Variants in SPTB observed in about 807,000 individuals in gnomAD.
SPTB encodes the protein spectrin beta, erythrocytic, also known as spectrin beta chain, erythrocytic.
In SPTB, 45 loss-of-function variants were observed where a neutral mutation model predicts 256.2. That is an observed-to-expected ratio of 0.18 (90% confidence interval 0.14 to 0.23). SPTB has a LOEUF of 0.23. Ranked by LOEUF, SPTB falls within the 10% of genes least tolerant of loss-of-function variation. The pLI is 1.00. For missense variants in SPTB, 2,715 were observed against 3,040.4 expected, an observed-to-expected ratio of 0.89 and a Z score of 2.52; for synonymous variants, 1,231 against 1,243.1, an observed-to-expected ratio of 0.99 and a Z score of 0.21.
intron 1 of SPTB, among the ~76,000 whole-genome samples, chr14:64,848,582 T>C (rs2083730635): frequency 6.6e-6 from 1 of 152,258 alleles, no homozygotes. Flanking sequence ...AAGTTAATTA[T>C]TGTGCATATT....
intron 27 of SPTB, among the ~76,000 whole-genome samples, chr14:64,770,564 G>A (rs2082264784): frequency 6.6e-6 from 1 of 152,184 alleles, no homozygotes; most frequent in Non-Finnish European, 1.5e-5. Flanking sequence ...TCTTAGACCT[G>A]CCCAGCTTTG....
chr14:64,780,180 C>A (rs1231390314), intron 20 of SPTB, among the ~76,000 whole-genome samples: 7 of 152,148 alleles, frequency 4.6e-5, no homozygotes, highest in Admixed American at 3.9e-4. Context: ...AACCAGGAGA[C>A]ATTTTTGCAT....
chr14:64,772,473 C>T lies in SPTB; in HGVS notation c.5553+107G>A, dbSNP rs1037283593. 3 of 1,487,060 alleles carry T rather than the reference C, an allele frequency of 2.0e-6. No individual in the cohort carries two copies. Among genetic ancestry groups the T allele is most frequent in the Non-Finnish European group, 2.7e-6 (3 of 1,111,178 alleles). 92.1% of individuals were successfully genotyped at this position (1,487,060 alleles called of 1,614,324 possible). On this transcript the variant is annotated intron_variant, in intron 26 of 35. Coordinates refer to ENST00000644917, the MANE Select transcript of SPTB (RefSeq NM_001355436.2). The surrounding 1 kb of genome is among the most constrained non-coding windows in gnomAD (Gnocchi z 5.4). The stretch of plus-strand genomic sequence containing the variant: ...CTCCTGGCTGTCTAAGGAGGCAAAA[C>T]CTCCTGGCACTTATCCTAGAGGTTT...
intron 33 of SPTB, 70 bp downstream of exon 33, chr14:64,753,467 G>T: frequency 1.2e-6 from 2 of 1,604,488 alleles, no homozygotes; most frequent in Non-Finnish European, 1.7e-6. Context: ...TGTCACCAAG[G>T]CTCTGCTAGC....
chr14:64,810,653 C>G (rs142875138), intron 2 of SPTB, among the ~76,000 whole-genome samples: 1,802 of 152,292 alleles, frequency 0.012, 44 homozygotes, highest in African/African-American at 0.041. Flanking sequence ...GTGCTCCAGC[C>G]TGGGTGACAG....
chr14:64,782,442 T>A lies in SPTB; in HGVS notation c.4114A>T (p.Thr1372Ser). The A allele has an allele frequency of 6.2e-7, 1 of 1,614,088 alleles. No individual in the cohort carries two copies. Among genetic ancestry groups the A allele is most frequent in the Non-Finnish European group, 8.5e-7 (1 of 1,180,028 alleles). ...DELQATTKEK[T>S]QHLSAARSSD... ...CTCCTGGCAGCCGAGAGGTGCTGGG[T>A]CTTCTCCTTTGTGGTGGCCTGCAGC... The change falls in exon 20 of 36, where the codon ACC becomes TCC. Residue 1372 changes from threonine (T) to serine (S), a missense_variant. This residue lies in a region of SPTB where 2,239 missense variants were observed against 2,384.4 expected (regional missense o/e 0.94). Coordinates refer to ENST00000644917, the MANE Select transcript of SPTB (RefSeq NM_001355436.2).
At chr14:64,774,775 T>C (rs2082332612) in intron 23 of SPTB, among the ~76,000 whole-genome samples, 1 of 152,154 alleles carries the variant, frequency 6.6e-6, no homozygotes, top group Admixed American at 6.5e-5. Context: ...CTCTAACCCC[T>C]GTCCCCATGA....
At chr14:64,817,462 A>C (rs367963909) in intron 2 of SPTB, among the ~76,000 whole-genome samples, 18 of 152,248 alleles carry the variant, frequency 1.2e-4, no homozygotes, top group African/African-American at 3.9e-4. Flanking sequence ...AAACATTACA[A>C]ACCTCCCATT....
Position 64,759,903 on chromosome 14 carries a change from C to G in SPTB, c.6346-6110G>C, listed in dbSNP as rs2082068755. On this transcript the variant is annotated intron_variant, in intron 32 of 35. Transcript: ENST00000644917. This position sits in a 1 kb window ranked among gnomAD's most constrained non-coding sequence, Gnocchi z 4.8. Reference sequence around the variant, plus strand: ...AGGTGAAGGAGAATTGCAGAGTGGGCTGAATAAGGGAAGGCACTGCCTTTA... The same window carrying G: ...AGGTGAAGGAGAATTGCAGAGTGGGGTGAATAAGGGAAGGCACTGCCTTTA... 6.6e-6 allele frequency among the ~76,000 whole-genome samples: 1 copy of G among 152,142 alleles called. No individual in the cohort carries two copies. Among genetic ancestry groups the G allele is most frequent in the South Asian group, 2.1e-4 (1 of 4,828 alleles).
In SPTB at chr14:64,824,490, C is replaced by T. The variant is rs1026726261; in HGVS notation, c.-51-1345G>A. Among the ~76,000 whole-genome samples the T allele has an allele frequency of 6.6e-6, 1 of 152,154 alleles. No individual in the cohort carries two copies. Among genetic ancestry groups the T allele is most frequent in the East Asian group, 1.9e-4 (1 of 5,192 alleles). On this transcript the variant is annotated intron_variant, in intron 1 of 35. Transcript: ENST00000644917. This position sits in a 1 kb window ranked among gnomAD's most constrained non-coding sequence, Gnocchi z 5.7. ...ATTAGCTTTCTTCATCTGTACCTGA[C>T]ATTTGGTCCTCTTTCTAGGGATCTT...
chr14:64,791,696 C>A, intron 15 of SPTB, 23 bp downstream of exon 15: 1 of 1,614,072 alleles, frequency 6.2e-7, no homozygotes, highest in Non-Finnish European at 8.5e-7. Context: ...ATGCCCCCGC[C>A]CCATGCCCTA....
intron 1 of SPTB, among the ~76,000 whole-genome samples, chr14:64,867,226 C>T (rs1882239332): frequency 6.6e-6 from 1 of 152,218 alleles, no homozygotes. Context: ...TCATAATCTT[C>T]TATAGGTCAT....
intron 32 of SPTB, chr14:64,754,520 G>T (rs887110253): frequency 6.4e-6 from 1 of 155,882 alleles, no homozygotes; most frequent in African/African-American, 2.4e-5. Flanking sequence ...TGAGTTAACT[G>T]GCCCCGGGGG....
At chr14:64,762,318 G>A (rs1393567372) in intron 32 of SPTB, among the ~76,000 whole-genome samples, 2 of 152,218 alleles carry the variant, frequency 1.3e-5, no homozygotes, top group Admixed American at 6.5e-5. Context: ...GTTCAGGCGA[G>A]AAGAAACACA....
chr14:64,861,634 A>G (rs369054000), intron 1 of SPTB, among the ~76,000 whole-genome samples: 4 of 152,136 alleles, frequency 2.6e-5, no homozygotes, highest in Admixed American at 2.6e-4. Context: ...TGGCCTAAAA[A>G]TCATGTTATT....
At chr14:64,766,324 T>G in intron 32 of SPTB, 2 of 1,108,886 alleles carry the variant, frequency 1.8e-6, no homozygotes, top group South Asian at 2.1e-5. Flanking sequence ...GTGCAGGGGG[T>G]GAGTACTGCC....
chr14:64,857,197 G>A (rs2083887423), intron 1 of SPTB, among the ~76,000 whole-genome samples: 1 of 152,122 alleles, frequency 6.6e-6, no homozygotes, highest in African/African-American at 2.4e-5. Flanking sequence ...AACTGCTGAA[G>A]TCTTGGATTA....
At chr14:64,849,631 A>G (rs1394877851) in intron 1 of SPTB, among the ~76,000 whole-genome samples, 1 of 152,142 alleles carries the variant, frequency 6.6e-6, no homozygotes, top group Non-Finnish European at 1.5e-5. Flanking sequence ...TCATTTCTCC[A>G]ACTCCAATGT....
chr14:64,821,281 C>G (rs929087811), intron 2 of SPTB, among the ~76,000 whole-genome samples: 6 of 152,258 alleles, frequency 3.9e-5, no homozygotes, highest in African/African-American at 1.4e-4. Context: ...ATTTTGAACT[C>G]CTGAGAGACA....
Sources: allele counts gnomAD v4.1 joint callset (sites outside exome capture counted in the v4.1 genomes callset), GRCh38; gene constraint gnomAD v4.1.1; regional missense constraint gnomAD v4.1.1; non-coding constraint Gnocchi (gnomAD v3.1); transcripts MANE v1.5; gene names NCBI Gene and HGNC (gene_info 2026-07-23, HGNC 2026-07-21).